Variants in COL6A2 observed in about 807,000 individuals in gnomAD.
COL6A2 encodes the protein collagen type VI alpha 2 chain.
Under a neutral mutation model 124.9 loss-of-function variants are expected in COL6A2, and 90 were observed. The observed-to-expected ratio is 0.72, with a 90% confidence interval of 0.61 to 0.86. The LOEUF is 0.86. Among genes scored for constraint, COL6A2 ranks in the 40% least tolerant of loss-of-function variants. COL6A2 has a pLI of 0.00. For missense variants in COL6A2, 1,607 were observed against 1,502.5 expected (o/e 1.07, Z -1.15); for synonymous variants, 793 against 618.2 (o/e 1.28, Z -4.19).
At chr21:46,117,595 C>T (rs1427438345) in intron 11 of COL6A2, 142 bp downstream of exon 11, 2 of 907,912 alleles carry the variant, frequency 2.2e-6, no homozygotes, top group Non-Finnish European at 3.5e-6. Context: ...CCCAGCCCAG[C>T]ATTCTGCCGG....
At chr21:46,118,553 G>A in intron 12 of COL6A2, 61 bp from the exon 13 acceptor site, 1 of 1,535,932 alleles carries the variant, frequency 6.5e-7, no homozygotes, top group East Asian at 2.3e-5. Context: ...CCCGCAGCGG[G>A]CATCCTGCAC....
chr21:46,120,310 G>A (rs1407509161), intron 15 of COL6A2, among the ~76,000 whole-genome samples: 2 of 152,164 alleles, frequency 1.3e-5, no homozygotes, highest in East Asian at 1.9e-4. Flanking sequence ...CAGGGGGACC[G>A]AGAGACACCG....
intron 21 of COL6A2, among the ~76,000 whole-genome samples, chr21:46,124,353 G>T (rs1303418704): frequency 2.0e-5 from 3 of 152,140 alleles, no homozygotes; most frequent in Non-Finnish European, 4.4e-5. Context: ...CATGATAATG[G>T]GGTGGAATAC....
chr21:46,124,583 G>C (rs917546845), intron 21 of COL6A2, 68 bp from the exon 22 acceptor site: 15 of 1,498,354 alleles, frequency 1.0e-5, no homozygotes, highest in Non-Finnish European at 1.4e-5. Flanking sequence ...GACAGCACAG[G>C]GGGCCCTGCT....
chr21:46,125,367 T>C (rs1421864546), intron 24 of COL6A2, 56 bp downstream of exon 24: 1 of 1,602,076 alleles, frequency 6.2e-7, no homozygotes, highest in East Asian at 2.2e-5. Context: ...AGGGCGGGAG[T>C]GCAGCAGGGC....
chr21:46,102,897 C>A (rs9980119), intron 1 of COL6A2, among the ~76,000 whole-genome samples: 1 of 152,126 alleles, frequency 6.6e-6, no homozygotes, highest in Non-Finnish European at 1.5e-5. Flanking sequence ...CTTGCAATAT[C>A]TTTGTCTGGT....
chr21:46,117,573 C>T, intron 11 of COL6A2, 120 bp downstream of exon 11: 2 of 1,000,146 alleles, frequency 2.0e-6, no homozygotes, highest in South Asian at 1.4e-5. Flanking sequence ...CCAGCAGCCC[C>T]AGCCCAGCAG....
chr21:46,127,475 G>T (rs112250711), intron 27 of COL6A2, among the ~76,000 whole-genome samples: 1 of 152,156 alleles, frequency 6.6e-6, no homozygotes, highest in Non-Finnish European at 1.5e-5. Context: ...CCTAGGGCTT[G>T]CACCTGGGTC....
In COL6A2 at chr21:46,126,036, G is replaced by T; in HGVS notation, c.2221G>T (p.Asp741Tyr). ...TDGRHDPRDD[D>Y]LNLRALCDRD... ...CGGGCGCCACGACCCTCGGGACGAT[G>T]ACCTCAACTTGCGGGCGCTGTGCGA... is the stretch of plus-strand genomic sequence containing the variant. The change falls in exon 26 of 28, where the codon GAC becomes TAC. Residue 741 changes from aspartate to tyrosine, a missense_variant. Transcript: ENST00000300527. 1.2e-6 allele frequency: 2 copies of T among 1,613,042 alleles called. No homozygotes were observed. Among genetic ancestry groups the T allele is most frequent in the Non-Finnish European group, 1.7e-6 (2 of 1,179,936 alleles).
chr21:46,124,749 A>G (rs1355563653), intron 22 of COL6A2, 36 bp downstream of exon 22: 4 of 1,605,816 alleles, frequency 2.5e-6, no homozygotes, highest in Non-Finnish European at 3.4e-6. Flanking sequence ...CCTCCCCCCA[A>G]CCTGCCAGGC....
Position 46,114,064 on chromosome 21 carries a change from T to A in COL6A2, c.792T>A (p.Arg264=). The A allele has an allele frequency of 1.2e-6, 2 of 1,613,456 alleles. No homozygotes were observed. Among genetic ancestry groups the A allele is most frequent in the Non-Finnish European group, 1.7e-6 (2 of 1,179,714 alleles). ...IPGPSGPKGY[R]GQKGAKGNMG... ...GGCCCTCTGGCCCCAAGGGCTACCG[T>A]GGACAGAAGGTAAGATGCCCAGATT... Residue 264 remains arginine (R), a synonymous_variant, in exon 5 of 28, where the codon CGT becomes CGA. Coordinates refer to ENST00000300527, the MANE Select transcript of COL6A2 (RefSeq NM_001849.4).
chr21:46,105,509 T>C (rs1301752753), intron 1 of COL6A2, among the ~76,000 whole-genome samples: 1 of 152,228 alleles, frequency 6.6e-6, no homozygotes, highest in East Asian at 1.9e-4. Context: ...AAGAGACTGA[T>C]TTAAAAATAA....
chr21:46,123,299 A>G (rs1324489173), intron 21 of COL6A2, among the ~76,000 whole-genome samples: 1 of 144,460 alleles, frequency 6.9e-6, no homozygotes, highest in Non-Finnish European at 1.5e-5. Flanking sequence ...TCCCCTCCAG[A>G]GTCCCCTCCC....
In COL6A2 at chr21:46,125,338, G is replaced by A. The variant is rs564270338; in HGVS notation, c.1816+27G>A. The A allele has an allele frequency of 1.1e-5, 18 of 1,607,480 alleles. No individual in the cohort carries two copies. In the African/African-American group the frequency reaches 1.6e-4, roughly 14 times the overall value. ...TGAGGCACTGCCCACGGCAGGGTCG[G>A]GGCCCATGCACCGGGTGGAGGGCGG... is the stretch of plus-strand genomic sequence containing the variant. On this transcript the variant is annotated intron_variant, in intron 24 of 27. Transcript: ENST00000300527.
Position 46,112,639 on chromosome 21 carries a change from A to G in COL6A2, c.714+62A>G, listed in dbSNP as rs112472569. The G allele has an allele frequency of 0.081, 128,950 of 1,593,834 alleles. 6,223 individuals are homozygous for G. The highest frequency in any genetic ancestry group is 0.098 in the Non-Finnish European group (114,520 of 1,164,926). On this transcript the variant is annotated intron_variant, in intron 3 of 27. Transcript: ENST00000300527. ...GGTGGCCACGGTGGGCCGTCCACCCACTCCGGGCCTCACTTTACCCCTCTG... is the reference window on the plus strand; with the variant it reads ...GGTGGCCACGGTGGGCCGTCCACCCGCTCCGGGCCTCACTTTACCCCTCTG...
At chr21:46,100,500 GTCCATCTCCGGAACTCT>G (rs2078277850) in intron 1 of COL6A2, among the ~76,000 whole-genome samples, 1 of 152,118 alleles carries the variant, frequency 6.6e-6, no homozygotes, top group Non-Finnish European at 1.5e-5. Context: ...CATCACCAAG[GTCCATCTCCGGAACTCT>G]TTTCCTCTTG....
intron 27 of COL6A2, among the ~76,000 whole-genome samples, chr21:46,127,007 G>A (rs1013923572): frequency 8.7e-3 from 14 of 1,610 alleles, no homozygotes; most frequent in South Asian, 0.17. Flanking sequence ...CTGCAGCTGC[G>A]GCTCTCACAT....
chr21:46,103,675 G>A (rs2078309556), intron 1 of COL6A2, among the ~76,000 whole-genome samples: 1 of 152,044 alleles, frequency 6.6e-6, no homozygotes, highest in African/African-American at 2.4e-5. Context: ...TATTTAACAG[G>A]GTGTTGTTTA....
At chr21:46,122,982 G>C in intron 21 of COL6A2, 45 bp downstream of exon 21, 1 of 1,585,626 alleles carries the variant, frequency 6.3e-7, no homozygotes, top group Non-Finnish European at 8.7e-7. Flanking sequence ...GGCAGAGGCA[G>C]GGAGGGGCCC....
Sources: allele counts gnomAD v4.1 joint callset (sites outside exome capture counted in the v4.1 genomes callset), GRCh38; gene constraint gnomAD v4.1.1; transcripts MANE v1.5; gene names NCBI Gene and HGNC (gene_info 2026-07-23, HGNC 2026-07-21).